Variants in RANBP2 observed in about 807,000 individuals in gnomAD.
RANBP2 encodes E3 SUMO-protein ligase RanBP2.
Under a neutral mutation model 303.6 loss-of-function variants are expected in RANBP2, and 57 were observed. That is an observed-to-expected ratio of 0.19 (90% CI 0.15 to 0.23). The LOEUF (loss-of-function observed/expected upper bound fraction) is 0.23. Among genes scored for constraint, RANBP2 ranks in the 10% least tolerant of loss-of-function variants. RANBP2 has a pLI of 1.00. For synonymous variants in RANBP2, 1,167 were observed against 1,301.5 expected (o/e 0.90, Z 2.23); for missense variants, 3,138 against 3,780.8 (o/e 0.83, Z 4.46).
At chr2:109,272,849 G>A in the RANBP2 span, among the ~76,000 whole-genome samples, 1 of 152,170 alleles carries the variant, frequency 6.6e-6, no homozygotes, top group Non-Finnish European at 1.5e-5. Context: ...TTCCCGGACT[G>A]GTGTTCTGTC....
the RANBP2 span, among the ~76,000 whole-genome samples, chr2:109,304,521 G>A: frequency 6.6e-6 from 1 of 152,136 alleles, no homozygotes; most frequent in East Asian, 1.9e-4. Context: ...CAACCCCAGG[G>A]TGTCAGTGAT....
chr2:109,617,543 A>C, the RANBP2 span: 1 of 167,060 alleles, frequency 6.0e-6, no homozygotes, highest in African/African-American at 2.4e-5. Flanking sequence ...GTCCTCCTTT[A>C]GTCTTTTGGG....
the RANBP2 span, among the ~76,000 whole-genome samples, chr2:109,405,693 C>A: frequency 5.0e-4 from 76 of 152,354 alleles, 1 homozygote; most frequent in African/African-American, 1.8e-3. Context: ...CCGCAGCTTT[C>A]TATGGCCCCA....
At chr2:109,472,353 G>A in the RANBP2 span, among the ~76,000 whole-genome samples, 16 of 120,890 alleles carry the variant, frequency 1.3e-4, no homozygotes, top group Non-Finnish European at 2.2e-4. Context: ...GTCTCGGGCC[G>A]GTGTGCATGC....
the RANBP2 span, among the ~76,000 whole-genome samples, chr2:109,030,680 T>C: frequency 1.3e-5 from 2 of 152,180 alleles, no homozygotes; most frequent in Admixed American, 6.5e-5. Flanking sequence ...CTCAGGCATC[T>C]GAATTTTTGG....
chr2:108,847,068 A>G, the RANBP2 span: 1 of 606,220 alleles, frequency 1.6e-6, no homozygotes, highest in Non-Finnish European at 2.8e-6. Context: ...ACACATTATA[A>G]AAAGCTACTT....
At chr2:108,893,613 A>C in the RANBP2 span, among the ~76,000 whole-genome samples, 7 of 152,102 alleles carry the variant, frequency 4.6e-5, no homozygotes, top group African/African-American at 1.7e-4. Context: ...CAAAACTGAC[A>C]AATAGAGTCA....
chr2:108,903,133 G>A, the RANBP2 span, among the ~76,000 whole-genome samples: 1 of 152,140 alleles, frequency 6.6e-6, no homozygotes, highest in East Asian at 1.9e-4. Context: ...AATTTAAATT[G>A]TCGTTTACAG....
At chr2:109,441,219 A>G in the RANBP2 span, among the ~76,000 whole-genome samples, 2 of 152,170 alleles carry the variant, frequency 1.3e-5, no homozygotes, top group Non-Finnish European at 1.5e-5. Context: ...GCAAAGGAGC[A>G]GGAAAATATG....
chr2:109,252,716 A>G, the RANBP2 span, among the ~76,000 whole-genome samples: 1 of 152,238 alleles, frequency 6.6e-6, no homozygotes, highest in Non-Finnish European at 1.5e-5. Flanking sequence ...AGAACAATAT[A>G]CATTAGGCTG....
chr2:108,805,756 T>C, the RANBP2 span, among the ~76,000 whole-genome samples: 14 of 152,214 alleles, frequency 9.2e-5, no homozygotes, highest in African/African-American at 3.1e-4. Context: ...TAGATTAATA[T>C]ATAATACCAG....
the RANBP2 span, among the ~76,000 whole-genome samples, chr2:108,995,651 T>C: frequency 1.3e-5 from 2 of 152,362 alleles, no homozygotes; most frequent in East Asian, 3.9e-4. Context: ...GTTGCATTTC[T>C]TAGCTTCCCT....
chr2:109,722,197 G>T, the RANBP2 span, among the ~76,000 whole-genome samples: 3 of 152,146 alleles, frequency 2.0e-5, no homozygotes, highest in Non-Finnish European at 4.4e-5. Flanking sequence ...CTTGTTTGTC[G>T]GCATCCTGGA....
the RANBP2 span, among the ~76,000 whole-genome samples, chr2:109,037,608 TAGC>T: frequency 1.3e-5 from 2 of 152,176 alleles, no homozygotes; most frequent in African/African-American, 4.8e-5. Context: ...GTCGGCAAGG[TAGC>T]AGGGTACAAT....
chr2:109,356,331 G>T, the RANBP2 span, among the ~76,000 whole-genome samples: 1 of 152,176 alleles, frequency 6.6e-6, no homozygotes, highest in Non-Finnish European at 1.5e-5. Context: ...ATTTGAGCCA[G>T]AAGAGATGCC....
chr2:109,398,932 G>A, the RANBP2 span: 1 of 1,611,366 alleles, frequency 6.2e-7, no homozygotes. Context: ...GTCGTGCGCT[G>A]CTCCCACCCA....
chr2:109,226,158 T>C, the RANBP2 span, among the ~76,000 whole-genome samples: 3 of 152,246 alleles, frequency 2.0e-5, no homozygotes, highest in African/African-American at 7.2e-5. Flanking sequence ...ATAGCAGTTA[T>C]TATCTGTTTC....
the RANBP2 span, among the ~76,000 whole-genome samples, chr2:109,686,723 T>C: frequency 6.6e-6 from 1 of 152,192 alleles, no homozygotes; most frequent in Non-Finnish European, 1.5e-5. Context: ...GCAATCTTCC[T>C]GTCTCAGCCT....
the RANBP2 span, among the ~76,000 whole-genome samples, chr2:109,611,762 C>G: frequency 3.9e-5 from 6 of 152,158 alleles, no homozygotes; most frequent in South Asian, 6.2e-4. Context: ...ACGAGAAATC[C>G]AAGTTAAAAT....
Sources: allele counts gnomAD v4.1 joint callset (sites outside exome capture counted in the v4.1 genomes callset), GRCh38; gene constraint gnomAD v4.1.1; transcripts MANE v1.5; gene names NCBI Gene and HGNC (gene_info 2026-07-23, HGNC 2026-07-21).